ACSM4: variants seen among roughly 807,000 people sequenced by gnomAD.
ACSM4 encodes acyl-coenzyme A synthetase ACSM4, mitochondrial.
Under a neutral mutation model 73.0 loss-of-function variants are expected in ACSM4, and 66 were observed. The observed-to-expected ratio is 0.90, with a 90% CI of 0.74 to 1.11. The LOEUF is 1.11. ACSM4 is among the 50% of genes least tolerant of loss of function. ACSM4 has a pLI of 0.00. For synonymous variants in ACSM4, 222 were observed against 254.0 expected (o/e 0.87, Z 1.20); for missense variants, 645 against 714.4 (o/e 0.90, Z 1.11).
intron 9 of ACSM4, 31 bp downstream of exon 9, chr12:7,323,591 A>T (rs1946481353): frequency 6.3e-7 from 1 of 1,578,546 alleles, no homozygotes; most frequent in Non-Finnish European, 8.7e-7. Flanking sequence ...GGTCATGCTT[A>T]ATACAGACTT....
At chr12:7,326,071 T>C (rs1185424191) in intron 11 of ACSM4, among the ~76,000 whole-genome samples, 1 of 152,204 alleles carries the variant, frequency 6.6e-6, no homozygotes, top group Non-Finnish European at 1.5e-5. Flanking sequence ...ATAAATAATA[T>C]AAATTATGCT....
Position 7,306,566 on chromosome 12 carries a change from T to C in ACSM4, c.235T>C (p.Trp79Arg). 6.2e-7 allele frequency: 1 copy of C among 1,600,384 alleles called. No individual in the cohort carries two copies. The highest frequency in any genetic ancestry group is 8.5e-7 in the Non-Finnish European group (1 of 1,173,522). Residue 79 changes from tryptophan to arginine, a missense_variant, in exon 2 of 13, where the codon TGG becomes CGG. Coordinates refer to ENST00000399422, the MANE Select transcript of ACSM4 (RefSeq NM_001080454.2). ...GAGACCAGCTAACCCAGCCCTGTGG[T>C]GGGTGAATGGCAAAGGGGATGAGGT... ...GERPANPALW[W>R]VNGKGDEVKW...
rs73270538 is a variant in ACSM4 at position 7,324,675 on chromosome 12, C to A, written c.1536+77C>A. 5.8e-3 allele frequency: 8,505 copies of A among 1,454,932 alleles called. 421 individuals carry two copies. In the African/African-American group the frequency reaches 0.1, roughly 18 times the overall value. 90.1% of individuals were successfully genotyped at this position (1,454,932 alleles called of 1,614,324 possible). On this transcript the variant is annotated intron_variant, in intron 11 of 12. Transcript: ENST00000399422. ...CCATTTGACCACTGTAAAGGCTGAA[C>A]CAAGAGAGGTCAATCTATTAATTCT... is the stretch of plus-strand genomic sequence containing the variant.
At chr12:7,318,457 G>A in intron 5 of ACSM4, 3 of 349,620 alleles carry the variant, frequency 8.6e-6, no homozygotes, top group South Asian at 7.0e-5. Flanking sequence ...TTAAGAAACT[G>A]GTTCTAAATA....
At position 7,318,954 on chromosome 12, in the gene ACSM4, C is replaced by T. The variant is rs114754332; in HGVS notation, c.921+772C>T. ...CTGGATTCGTGGAAGACAATTTTCCCATGGACTAGGGGGAGCGGGGAGATA... is the reference window on the plus strand; with the variant it reads ...CTGGATTCGTGGAAGACAATTTTCCTATGGACTAGGGGGAGCGGGGAGATA... On this transcript the variant is annotated intron_variant, in intron 5 of 12. Transcript: ENST00000399422. 7.2e-3 allele frequency among the ~76,000 whole-genome samples: 1,102 copies of T among 152,282 alleles called. 16 individuals are homozygous for T. The highest frequency in any genetic ancestry group is 0.025 in the African/African-American group (1,057 of 41,558).
chr12:7,322,575 T>TGGG (rs1565755388), intron 7 of ACSM4, 34 bp downstream of exon 7: 1 of 1,576,548 alleles, frequency 6.3e-7, no homozygotes, highest in East Asian at 2.3e-5. Context: ...TTAGTATATG[T>TGGG]GGGGGCCTTT....
intron 3 of ACSM4, among the ~76,000 whole-genome samples, chr12:7,316,243 T>C (rs1331523131): frequency 1.3e-5 from 2 of 152,182 alleles, no homozygotes; most frequent in East Asian, 1.9e-4. Context: ...AGTGAATTCA[T>C]TGGGTCAATG....
rs185904781 is a variant in ACSM4, at chr12:7,324,298, C to T, written c.1334C>T (p.Thr445Met). Residue 445 changes from threonine to methionine, a missense_variant, in exon 10 of 13, where the codon ACG (threonine) becomes ATG (methionine). Transcript: ENST00000399422. ...GACAATCCACAGAAAACTGCTGCCA[C>T]GATAAGAGGAGATTTTTATGTCACT... ...YVDNPQKTAATIRGDFYVTGD... is the reference protein window; with the variant it reads ...YVDNPQKTAAMIRGDFYVTGD... 1.0e-4 allele frequency: 169 copies of T among 1,613,200 alleles called. No homozygotes were observed. Among genetic ancestry groups the T allele is most frequent in the Middle Eastern group, 6.8e-4 (4 of 5,854 alleles).
Position 7,304,409 on chromosome 12 carries a change from T to G in ACSM4, c.78T>G (p.Asp26Glu), listed in dbSNP as rs772471333. The change falls in exon 1 of 13, where the codon GAT (aspartate) becomes GAG (glutamate). Residue 26 changes from aspartate to glutamate, a missense_variant. Physicochemically the swap from Asp to Glu is conservative, Grantham distance 45. Coordinates refer to ENST00000399422, the MANE Select transcript of ACSM4 (RefSeq NM_001080454.2). ...CACCTGGCCGGCGCTTACACAAAGA[T>G]CACCAGCTTTGGACGCCTCTGACTC... is the stretch of plus-strand genomic sequence containing the variant. ...TKPPGRRLHK[D>E]HQLWTPLTLA... is the part of the protein sequence containing the mutation. 6.2e-7 allele frequency: 1 copy of G among 1,613,980 alleles called. No individual in the cohort carries two copies. The highest frequency in any genetic ancestry group is 1.1e-5 in the South Asian group (1 of 91,088).
intron 1 of ACSM4, 131 bp downstream of exon 1, chr12:7,304,663 C>A (rs1267148770): frequency 5.1e-6 from 5 of 987,504 alleles, no homozygotes; most frequent in Non-Finnish European, 7.5e-6. Context: ...TGTTTGTTTT[C>A]CAATTGCCCT....
At chr12:7,324,901 C>T (rs1304726869) in intron 11 of ACSM4, among the ~76,000 whole-genome samples, 1 of 151,760 alleles carries the variant, frequency 6.6e-6, no homozygotes, top group Non-Finnish European at 1.5e-5. Context: ...TCCAAAGGTT[C>T]ATGTGAGGTT....
chr12:7,324,170 T>G, intron 9 of ACSM4, 103 bp from the exon 10 acceptor site: 1 of 1,397,748 alleles, frequency 7.2e-7, no homozygotes, highest in Non-Finnish European at 9.5e-7. Context: ...AAAAAAAAAT[T>G]TCCTATATAA....
intron 2 of ACSM4, among the ~76,000 whole-genome samples, chr12:7,308,197 A>C (rs754534399): frequency 2.0e-4 from 30 of 152,320 alleles, no homozygotes; most frequent in Admixed American, 1.9e-3. Context: ...CGTTTATATA[A>C]AATTCTTTTT....
chr12:7,316,067 A>G (rs1946418742), intron 3 of ACSM4, among the ~76,000 whole-genome samples: 1 of 152,228 alleles, frequency 6.6e-6, no homozygotes, highest in Non-Finnish European at 1.5e-5. Flanking sequence ...CCAGATTCAA[A>G]GAGAGAGGAC....
Position 7,304,426 on chromosome 12 carries a change from C to T in ACSM4, c.95C>T (p.Pro32Leu). 1.9e-6 allele frequency: 3 copies of T among 1,614,004 alleles called. No individual in the cohort carries two copies. Among genetic ancestry groups the T allele is most frequent in the South Asian group, 2.2e-5 (2 of 91,086 alleles). ...RLHKDHQLWT[P>L]LTLADFEAIN... ...CACAAAGATCACCAGCTTTGGACGC[C>T]TCTGACTCTTGCTGACTTTGAAGCC... Residue 32 changes from proline to leucine, a missense_variant, in exon 1 of 13, where the codon CCT becomes CTT. Transcript: ENST00000399422.
intron 5 of ACSM4, among the ~76,000 whole-genome samples, chr12:7,320,077 T>C (rs2136334390): frequency 6.6e-6 from 1 of 152,310 alleles, no homozygotes; most frequent in Admixed American, 6.5e-5. Context: ...TCCCAAATAC[T>C]TAAGTTTAAT....
chr12:7,317,906 C>T (rs1304555026), intron 4 of ACSM4, 120 bp from the exon 5 acceptor site: 6 of 1,111,758 alleles, frequency 5.4e-6, no homozygotes, highest in Non-Finnish European at 7.5e-6. Flanking sequence ...CCTGGGGCTT[C>T]TTTTGACCCT....
At chr12:7,306,103 T>C (rs1271621180) in intron 1 of ACSM4, among the ~76,000 whole-genome samples, 1 of 152,216 alleles carries the variant, frequency 6.6e-6, no homozygotes, top group African/African-American at 2.4e-5. Context: ...AAGAAATTTA[T>C]TCAAGGAATA....
chr12:7,328,199 T>A, intron 12 of ACSM4, 88 bp from the exon 13 acceptor site: 1 of 985,372 alleles, frequency 1.0e-6, no homozygotes, highest in Non-Finnish European at 1.5e-6. Context: ...TAAAATTCAG[T>A]CTGAGTTCCA....
Sources: allele counts gnomAD v4.1 joint callset (sites outside exome capture counted in the v4.1 genomes callset), GRCh38; gene constraint gnomAD v4.1.1; transcripts MANE v1.5; gene names NCBI Gene and HGNC (gene_info 2026-07-23, HGNC 2026-07-21).